GALNT5: variants seen among roughly 807,000 people sequenced by gnomAD.
The protein encoded by GALNT5 is UDP-GalNAc:polypeptide N-acetylgalactosaminyltransferase 5.
In GALNT5, 72 loss-of-function variants were observed where a neutral mutation model predicts 85.4. That is an observed-to-expected ratio of 0.84 (90% CI 0.70 to 1.03). The LOEUF (loss-of-function observed/expected upper bound fraction) is 1.03, where lower values mean the gene tolerates loss of function less well. GALNT5 is among the 50% of genes least tolerant of loss of function. GALNT5 has a pLI of 0.00. For missense variants in GALNT5, 1,137 were observed against 1,135.5 expected, an observed-to-expected ratio of 1.00 and a Z score of -0.02; for synonymous variants, 404 against 397.0, an observed-to-expected ratio of 1.02 and a Z score of -0.21.
In GALNT5 at chr2:157,258,079, T is replaced by C. The variant is rs1037265151; in HGVS notation, c.-4T>C. 2 of 1,612,884 alleles carry C rather than the reference T, an allele frequency of 1.2e-6. No individual in the cohort carries two copies. Among genetic ancestry groups the C allele is most frequent in the Non-Finnish European group, 1.7e-6 (2 of 1,179,994 alleles). On this transcript the variant is annotated 5_prime_UTR_variant, in exon 1 of 10. Coordinates refer to ENST00000259056, the MANE Select transcript of GALNT5 (RefSeq NM_014568.3). ...GGGCAGGCTGCTAGGGAAAGCTTTG[T>C]ACCATGAACAGGATCCGAAAGTTTT...
In GALNT5 at chr2:157,263,550, C is replaced by T. The variant is rs953226904; in HGVS notation, c.1454+4014C>T. ...GTTCTTCATTAACTGAATCCTTGAA[C>T]GTCTGTTTTTCCTTCCTAGTGAAAT... On this transcript the variant is annotated intron_variant, in intron 1 of 9. Coordinates refer to ENST00000259056, the MANE Select transcript of GALNT5 (RefSeq NM_014568.3). Among the ~76,000 whole-genome samples the T allele has an allele frequency of 9.2e-5, 14 of 152,262 alleles. No individual in the cohort carries two copies. The East Asian group carries it at 2.3e-3, about 25-fold the overall frequency.
At chr2:157,283,405 A>T (rs1421316667) in intron 1 of GALNT5, among the ~76,000 whole-genome samples, 1 of 152,132 alleles carries the variant, frequency 6.6e-6, no homozygotes, top group Non-Finnish European at 1.5e-5. Flanking sequence ...GAGGCAGTGT[A>T]TTCTGCAGGG....
At chr2:157,260,961 G>A (rs1410691787) in intron 1 of GALNT5, among the ~76,000 whole-genome samples, 1 of 152,132 alleles carries the variant, frequency 6.6e-6, no homozygotes, top group Non-Finnish European at 1.5e-5. Context: ...ATTGCCTGTG[G>A]TCACAAAGCT....
intron 1 of GALNT5, among the ~76,000 whole-genome samples, chr2:157,279,824 C>T (rs1558894858): frequency 6.6e-6 from 1 of 152,202 alleles, no homozygotes; most frequent in African/African-American, 2.4e-5. Flanking sequence ...GTGGGCTGCA[C>T]CCACTGTCCA....
chr2:157,290,638 G>A (rs1056885742), intron 3 of GALNT5, among the ~76,000 whole-genome samples: 4 of 152,102 alleles, frequency 2.6e-5, no homozygotes, highest in African/African-American at 9.7e-5. Flanking sequence ...GGAGTTTAAA[G>A]ATAAGAATCT....
In GALNT5 at chr2:157,313,097, T is replaced by C. The variant is rs1484119749; in HGVS notation, c.*1749T>C. On this transcript the variant is annotated 3_prime_UTR_variant, in exon 10 of 10. Transcript: ENST00000259056. ...AACTGCAGATGAGTAAGAGAATGAC[T>C]AGGAAATGAGATACAGTTATATGAC... 6.6e-6 allele frequency: 1 copy of C among 152,158 alleles called. No individual in the cohort carries two copies. The highest frequency in any genetic ancestry group is 6.5e-5 in the Admixed American group (1 of 15,272). The allele number at this position is 152,158 out of a possible 1,614,324, so 9.4% of individuals were successfully genotyped here.
intron 1 of GALNT5, among the ~76,000 whole-genome samples, chr2:157,265,016 A>G (rs1003390832): frequency 1.3e-5 from 2 of 152,078 alleles, no homozygotes; most frequent in Non-Finnish European, 2.9e-5. Flanking sequence ...GAGGCAGGGA[A>G]AAAAAAACCT....
At position 157,259,290 on chromosome 2, in the gene GALNT5, C is replaced by T; in HGVS notation, c.1208C>T (p.Thr403Ile). Residue 403 changes from threonine (T) to isoleucine (I), a missense_variant, in exon 1 of 10, where the codon ACA becomes ATA. Thr to Ile is a moderately conservative substitution (Grantham distance 89, BLOSUM62 -1). Transcript: ENST00000259056. ...KINITAKAPS[T>I]EYNQSHIKAL... Reference sequence around the variant, plus strand: ...AACATAACTGCCAAAGCCCCCTCTACAGAATACAACCAGAGTCATATAAAA... The same window carrying T: ...AACATAACTGCCAAAGCCCCCTCTATAGAATACAACCAGAGTCATATAAAA... 6.2e-7 allele frequency: 1 copy of T among 1,609,382 alleles called. No individual in the cohort carries two copies. Among genetic ancestry groups the T allele is most frequent in the Non-Finnish European group, 8.5e-7 (1 of 1,178,102 alleles).
intron 7 of GALNT5, among the ~76,000 whole-genome samples, chr2:157,301,302 G>T (rs1348699536): frequency 7.2e-5 from 11 of 152,186 alleles, no homozygotes; most frequent in African/African-American, 2.7e-4. Flanking sequence ...AGCTTAATTT[G>T]GGTAGAGAAG....
chr2:157,307,233 G>C (rs1278411762), intron 8 of GALNT5, among the ~76,000 whole-genome samples: 6 of 152,084 alleles, frequency 3.9e-5, no homozygotes, highest in Admixed American at 3.9e-4. Flanking sequence ...TGGTTTGCTT[G>C]GGTAATAAAA....
chr2:157,275,011 A>G (rs113576440), intron 1 of GALNT5, among the ~76,000 whole-genome samples: 2 of 152,096 alleles, frequency 1.3e-5, no homozygotes, highest in Non-Finnish European at 1.5e-5. Context: ...TTTTGTATAA[A>G]GTGTAAGGAA....
chr2:157,310,421 G>C (rs1330564909), intron 9 of GALNT5, among the ~76,000 whole-genome samples: 4 of 152,110 alleles, frequency 2.6e-5, no homozygotes, highest in African/African-American at 9.7e-5. Flanking sequence ...CAATACTCAA[G>C]CATCGTATTT....
intron 7 of GALNT5, among the ~76,000 whole-genome samples, chr2:157,304,767 C>T (rs1271931313): frequency 6.6e-6 from 1 of 152,180 alleles, no homozygotes; most frequent in Non-Finnish European, 1.5e-5. Context: ...CCCTTACTTT[C>T]TTGTTCACTA....
chr2:157,309,654 T>C (rs1683526676), intron 9 of GALNT5, among the ~76,000 whole-genome samples: 1 of 152,246 alleles, frequency 6.6e-6, no homozygotes, highest in Non-Finnish European at 1.5e-5. Flanking sequence ...TTGCTTCCTT[T>C]AGGTGCCTCC....
In GALNT5 at chr2:157,300,764, A is replaced by G; in HGVS notation, c.2204A>G (p.Lys735Arg). Residue 735 changes from lysine (K) to arginine (R), a missense_variant, in exon 7 of 10, where the codon AAA becomes AGA. Coordinates refer to ENST00000259056, the MANE Select transcript of GALNT5 (RefSeq NM_014568.3). ...FRNDNPYSFP[K>R]DRMKTVERNL... ...AATGACAATCCATATTCCTTCCCCA[A>G]AGACCGGATGAAGACAGTGGAGCGG... 1 of 1,614,008 alleles carries G rather than the reference A, an allele frequency of 6.2e-7. No individual in the cohort carries two copies. The highest frequency in any genetic ancestry group is 8.5e-7 in the Non-Finnish European group (1 of 1,179,930).
At chr2:157,265,694 GC>G (rs1373446778) in intron 1 of GALNT5, among the ~76,000 whole-genome samples, 1 of 152,160 alleles carries the variant, frequency 6.6e-6, no homozygotes, top group Admixed American at 6.5e-5. Context: ...GGCTTTTCTG[GC>G]TGATCCAATC....
intron 1 of GALNT5, among the ~76,000 whole-genome samples, chr2:157,282,183 T>C (rs1682869927): frequency 1.3e-5 from 2 of 152,362 alleles, no homozygotes; most frequent in South Asian, 4.1e-4. Flanking sequence ...TTTAATTCTC[T>C]GTCACTTGAA....
rs777824532 is a variant in GALNT5, at chr2:157,308,647, C to T, written c.2601C>T (p.Ala867=). 31 of 1,613,376 alleles carry T rather than the reference C, an allele frequency of 1.9e-5. No homozygotes were observed. Among genetic ancestry groups the T allele is most frequent in the Non-Finnish European group, 2.2e-5 (26 of 1,179,492 alleles). ...WCIAPIPDKG[A]VRLHPCDNRN... ...TAGCCCCCATCCCTGATAAAGGAGC[C>T]GTAAGGCTGCACCCTTGTGATAACA... is the stretch of plus-strand genomic sequence containing the variant. The change falls in exon 9 of 10, where the codon GCC becomes GCT. Residue 867 remains alanine (A), a synonymous_variant. Coordinates refer to ENST00000259056, the MANE Select transcript of GALNT5 (RefSeq NM_014568.3).
intron 8 of GALNT5, among the ~76,000 whole-genome samples, chr2:157,308,009 T>G (rs1294222078): frequency 6.6e-6 from 1 of 152,200 alleles, no homozygotes; most frequent in Non-Finnish European, 1.5e-5. Flanking sequence ...TGATTCCTCA[T>G]GCTAGTAGCA....
Sources: gnomAD v4.1 joint callset for allele counts (sites outside exome capture counted in the v4.1 genomes callset) on GRCh38, gnomAD v4.1.1 for gene constraint, MANE v1.5 for transcripts, NCBI Gene and HGNC (gene_info 2026-07-23, HGNC 2026-07-21) for gene names.